Variants in HGD observed in about 807,000 individuals in gnomAD.
HGD encodes the protein homogentisate oxidase.
HGD carries 61 observed loss-of-function variants against 60.8 expected under a neutral mutation model. The ratio of observed to expected loss-of-function variants is 1.00; its 90% CI spans 0.82 to 1.24. HGD has a LOEUF of 1.24. Ranked by LOEUF, HGD falls within the 50% of genes most tolerant of loss-of-function variation. HGD has a pLI of 0.00. For missense variants in HGD, 542 were observed against 547.1 expected (o/e 0.99, Z 0.09); for synonymous variants, 212 against 187.7 (o/e 1.13, Z -1.06).
intron 12 of HGD, among the ~76,000 whole-genome samples, chr3:120,636,646 T>C (rs1286342130): frequency 1.3e-5 from 2 of 152,248 alleles, no homozygotes; most frequent in Non-Finnish European, 1.5e-5. Flanking sequence ...AAACGACTTA[T>C]GATGCTATTC....
At chr3:120,659,317 C>T (rs528929532) in intron 4 of HGD, among the ~76,000 whole-genome samples, 28 of 152,282 alleles carry the variant, frequency 1.8e-4, no homozygotes, top group African/African-American at 4.1e-4. Flanking sequence ...TGGGCATAGG[C>T]GGTTAGAAGC....
intron 6 of HGD, among the ~76,000 whole-genome samples, chr3:120,648,378 G>A (rs1162057087): frequency 1.3e-5 from 2 of 152,204 alleles, no homozygotes; most frequent in Admixed American, 6.5e-5. Context: ...CAAGTGGAGA[G>A]AGGGGAGGTG....
At chr3:120,665,602 G>T (rs1707880639) in intron 4 of HGD, among the ~76,000 whole-genome samples, 1 of 152,222 alleles carries the variant, frequency 6.6e-6, no homozygotes, top group South Asian at 2.1e-4. Flanking sequence ...TCAAAAAGAG[G>T]TTGCATTAAT....
At chr3:120,642,511 C>T (rs1941019300) in intron 10 of HGD, among the ~76,000 whole-genome samples, 1 of 152,188 alleles carries the variant, frequency 6.6e-6, no homozygotes, top group African/African-American at 2.4e-5. Context: ...AAATATTTCA[C>T]AACTAGCACT....
At chr3:120,679,439 A>T (rs1708192296) in intron 1 of HGD, among the ~76,000 whole-genome samples, 1 of 152,178 alleles carries the variant, frequency 6.6e-6, no homozygotes, top group Admixed American at 6.5e-5. Context: ...GGGAACTTGC[A>T]CATTATCGCA....
rs779169911 is a variant in HGD at position 120,644,362 on chromosome 3, G to A, written c.731C>T (p.Thr244Met). Residue 244 changes from threonine (T) to methionine (M), a missense_variant, in exon 10 of 14, where the codon ACG (threonine) becomes ATG (methionine). Coordinates refer to ENST00000283871, the MANE Select transcript of HGD (RefSeq NM_000187.4). ...CTTGCCCTGGTATTTATTAATGACC[G>A]TGTAACCACCTGGTACTTGGCGATC... ...YEDRQVPGGY[T>M]VINKYQGKLF... 6.8e-6 allele frequency: 11 copies of A among 1,613,924 alleles called. No homozygotes were observed. The East Asian group carries it at 1.1e-4, about 16-fold the overall frequency.
intron 7 of HGD, 54 bp from the exon 8 acceptor site, chr3:120,647,106 T>C: frequency 7.3e-7 from 1 of 1,370,724 alleles, no homozygotes; most frequent in Middle Eastern, 1.8e-4. Context: ...TGATAACCAT[T>C]TCATGAACAG....
chr3:120,644,497 T>G lies in HGD; in HGVS notation c.650-54A>C, dbSNP rs994154994. ...AGAAACTTCCAAAACATAGGAAAGA[T>G]GCCCATGGTTGCATGAAGAGAAAGG... On this transcript the variant is annotated intron_variant, in intron 9 of 13. Coordinates refer to ENST00000283871, the MANE Select transcript of HGD (RefSeq NM_000187.4). The G allele has an allele frequency of 1.9e-6, 3 of 1,612,200 alleles. No homozygotes were observed. The South Asian group carries it at 3.3e-5, about 18-fold the overall frequency.
chr3:120,633,095 G>C, intron 13 of HGD, 52 bp downstream of exon 13: 2 of 1,539,632 alleles, frequency 1.3e-6, no homozygotes, highest in Non-Finnish European at 1.8e-6. Flanking sequence ...ACCCCTCTCA[G>C]TAAGGGTGGG....
rs189761219 is a variant in HGD at position 120,648,036 on chromosome 3, C to T, written c.435-125G>A. 3.4e-3 allele frequency: 2,665 copies of T among 788,392 alleles called. 33 individuals carry two copies. The highest frequency in any genetic ancestry group is 1.9e-3 in the Non-Finnish European group (856 of 440,272). 48.8% of individuals were successfully genotyped at this position (788,392 alleles called of 1,614,324 possible). ...TCAGAGCTGGGTATAAAATGGGGAG[C>T]AAAATGACCCAGGCTCTGCCCTTGT... On this transcript the variant is annotated intron_variant, in intron 6 of 13. Coordinates refer to ENST00000283871, the MANE Select transcript of HGD (RefSeq NM_000187.4).
chr3:120,652,564 A>C, intron 5 of HGD, 28 bp downstream of exon 5: 1 of 1,544,634 alleles, frequency 6.5e-7, no homozygotes, highest in East Asian at 2.2e-5. Context: ...GGAGAGCAGT[A>C]GGGAGGGTGT....
chr3:120,643,379 C>T (rs1405612353), intron 10 of HGD, among the ~76,000 whole-genome samples: 1 of 152,202 alleles, frequency 6.6e-6, no homozygotes, highest in Admixed American at 6.5e-5. Flanking sequence ...CTGCCTTGGC[C>T]TCCCAAACTG....
In HGD at chr3:120,661,259, T is replaced by C. The variant is rs150414687; in HGVS notation, c.283-8608A>G. Among the ~76,000 whole-genome samples the C allele has an allele frequency of 6.6e-3, 1,002 of 152,330 alleles. 3 individuals are homozygous for C. The highest frequency in any genetic ancestry group is 0.011 in the Non-Finnish European group (768 of 68,030). On this transcript the variant is annotated intron_variant, in intron 4 of 13. Transcript: ENST00000283871. ...CTTTTAATGGTCTTGTACCTGGTCT[T>C]CCAAATTGACCTTTGTTTACTGTTC... is the stretch of plus-strand genomic sequence containing the variant.
intron 11 of HGD, among the ~76,000 whole-genome samples, chr3:120,639,599 T>C (rs1940903429): frequency 6.6e-6 from 1 of 152,210 alleles, no homozygotes; most frequent in African/African-American, 2.4e-5. Flanking sequence ...TCAGATCAAG[T>C]TGACTAGAGC....
chr3:120,643,519 A>G (rs1379704932), intron 10 of HGD, among the ~76,000 whole-genome samples: 9 of 152,194 alleles, frequency 5.9e-5, no homozygotes, highest in Non-Finnish European at 1.2e-4. Flanking sequence ...AGAGAATAAC[A>G]ATATGTCTGC....
At chr3:120,631,824 C>T (rs1377190613) in intron 13 of HGD, among the ~76,000 whole-genome samples, 2 of 152,172 alleles carry the variant, frequency 1.3e-5, no homozygotes, top group Non-Finnish European at 2.9e-5. Context: ...CCCAGGGTCT[C>T]CCATCCTAAT....
chr3:120,644,235 A>T, intron 10 of HGD, 84 bp downstream of exon 10: 1 of 1,525,016 alleles, frequency 6.6e-7, no homozygotes, highest in Non-Finnish European at 9.0e-7. Flanking sequence ...GATATATGTA[A>T]AGTTTGTAAC....
intron 4 of HGD, among the ~76,000 whole-genome samples, chr3:120,665,931 T>C (rs2107541458): frequency 6.6e-6 from 1 of 152,340 alleles, no homozygotes; most frequent in Admixed American, 6.5e-5. Flanking sequence ...TCTCAGCCTT[T>C]CTTGCTGAGA....
chr3:120,652,430 T>A (rs1941369489), intron 5 of HGD, among the ~76,000 whole-genome samples, 162 bp downstream of exon 5: 1 of 152,092 alleles, frequency 6.6e-6, no homozygotes, highest in African/African-American at 2.4e-5. Flanking sequence ...TTTCTGTAAG[T>A]AAGACATCCC....
Sources: gnomAD v4.1 joint callset for allele counts (sites outside exome capture counted in the v4.1 genomes callset) on GRCh38, gnomAD v4.1.1 for gene constraint, MANE v1.5 for transcripts, NCBI Gene and HGNC (gene_info 2026-07-23, HGNC 2026-07-21) for gene names.